Variants in KCND3 observed in about 807,000 individuals in gnomAD.
KCND3 encodes potassium voltage-gated channel subfamily D member 3, also known as A-type voltage-gated potassium channel KCND3.
A neutral mutation model predicts 51.1 loss-of-function variants in KCND3; 9 were observed. The observed-to-expected ratio is 0.18, with a 90% CI of 0.11 to 0.31. The LOEUF is 0.31. Among genes scored for constraint, KCND3 ranks in the 10% least tolerant of loss-of-function variants. The probability of loss-of-function intolerance (pLI) is 1.00; values close to 1 mark genes in which losing one functional copy is unlikely to be tolerated. For missense variants in KCND3, 526 were observed against 903.8 expected, an observed-to-expected ratio of 0.58 and a Z score of 5.36; for synonymous variants, 349 against 368.0, an observed-to-expected ratio of 0.95 and a Z score of 0.59.
intron 1 of KCND3, among the ~76,000 whole-genome samples, chr1:111,985,717 G>A (rs1316379890): frequency 6.6e-6 from 1 of 152,148 alleles, no homozygotes. Context: ...TCACTCAGTC[G>A]AGTTTTCTAA....
Position 111,780,543 on chromosome 1 carries a change from G to T in KCND3, c.1371+147C>A. 1.2e-6 allele frequency: 1 copy of T among 822,388 alleles called. No individual in the cohort carries two copies. Among genetic ancestry groups the T allele is most frequent in the Non-Finnish European group, 2.0e-6 (1 of 492,024 alleles). 50.9% of individuals were successfully genotyped at this position (822,388 alleles called of 1,614,324 possible). A position where few individuals can be genotyped will look rare whatever the true frequency, so the allele number is the denominator to read the frequency against. The stretch of plus-strand genomic sequence containing the variant: ...ATCCTATGGAAGTGGTGTGTGAATG[G>T]GGGGCTGCTACCTGGGGAAAGTTTG... On this transcript the variant is annotated intron_variant, in intron 4 of 7. Coordinates refer to ENST00000302127, the MANE Select transcript of KCND3 (RefSeq NM_001378969.1). The surrounding 1 kb of genome is among the most constrained non-coding windows in gnomAD (Gnocchi z 4.2).
intron 2 of KCND3, among the ~76,000 whole-genome samples, chr1:111,839,348 CCTCA>C (rs1165641497): frequency 6.6e-6 from 1 of 152,206 alleles, no homozygotes; most frequent in Non-Finnish European, 1.5e-5. Context: ...CTTTTATTTT[CCTCA>C]CTCTTCTCCA....
At chr1:111,927,447 T>C (rs988333075) in intron 2 of KCND3, among the ~76,000 whole-genome samples, 4 of 152,208 alleles carry the variant, frequency 2.6e-5, no homozygotes, top group African/African-American at 9.6e-5. Context: ...GCCACTGAGT[T>C]AGAGAACAGG....
chr1:111,844,732 A>G (rs1406871176), intron 2 of KCND3, among the ~76,000 whole-genome samples: 3 of 152,114 alleles, frequency 2.0e-5, no homozygotes, highest in Non-Finnish European at 4.4e-5. Flanking sequence ...CACACAGCAC[A>G]CAGTTACCTG....
intron 2 of KCND3, among the ~76,000 whole-genome samples, chr1:111,834,603 A>G (rs973805226): frequency 2.0e-5 from 3 of 152,212 alleles, no homozygotes; most frequent in Non-Finnish European, 2.9e-5. Context: ...GAGGTCACCC[A>G]GGCTTTGAAC....
Position 111,951,340 on chromosome 1 carries a change from C to T in KCND3, c.1106+30281G>A, listed in dbSNP as rs148755648. On this transcript the variant is annotated intron_variant, in intron 2 of 7. Coordinates refer to ENST00000302127, the MANE Select transcript of KCND3 (RefSeq NM_001378969.1). Reference sequence around the variant, plus strand: ...TCCATGGTCCATACACTTTCTCCTGCACCACCTTGCCCATACCTCAGTTCT... The same window carrying T: ...TCCATGGTCCATACACTTTCTCCTGTACCACCTTGCCCATACCTCAGTTCT... Among the ~76,000 whole-genome samples the T allele has an allele frequency of 5.6e-4, 86 of 152,256 alleles. 1 individual carries two copies. Among genetic ancestry groups the T allele is most frequent in the African/African-American group, 2.0e-3 (83 of 41,528 alleles).
At chr1:111,987,464 C>G (rs1031963884) in intron 1 of KCND3, among the ~76,000 whole-genome samples, 1 of 152,146 alleles carries the variant, frequency 6.6e-6, no homozygotes, top group African/African-American at 2.4e-5. Context: ...GTAAAACATA[C>G]CAAAAAAGGA....
At chr1:111,939,802 C>T (rs1047344188) in intron 2 of KCND3, among the ~76,000 whole-genome samples, 7 of 152,248 alleles carry the variant, frequency 4.6e-5, no homozygotes, top group Non-Finnish European at 8.8e-5. Flanking sequence ...AATCGCCACA[C>T]TGTCTTCCAC....
chr1:111,896,507 A>G (rs1670121039), intron 2 of KCND3, among the ~76,000 whole-genome samples: 1 of 152,220 alleles, frequency 6.6e-6, no homozygotes, highest in South Asian at 2.1e-4. Context: ...GACAGAAACT[A>G]CGCAGTGCCA....
chr1:111,913,327 C>T (rs893601924), intron 2 of KCND3, among the ~76,000 whole-genome samples: 2 of 152,048 alleles, frequency 1.3e-5, no homozygotes, highest in African/African-American at 2.4e-5. Flanking sequence ...ACTAAATTGC[C>T]CAACAATCCA....
At chr1:111,902,527 G>C (rs146199682) in intron 2 of KCND3, among the ~76,000 whole-genome samples, 15 of 152,292 alleles carry the variant, frequency 9.8e-5, no homozygotes, top group Admixed American at 8.5e-4. Flanking sequence ...TACTAGCCCT[G>C]CTTCCTCACT....
At chr1:111,895,618 C>G (rs893255604) in intron 2 of KCND3, among the ~76,000 whole-genome samples, 19 of 152,342 alleles carry the variant, frequency 1.2e-4, no homozygotes, top group Middle Eastern at 3.4e-3. Flanking sequence ...CTAGATCAGT[C>G]ACCTTCCAGG....
At chr1:111,920,710 C>T (rs1469993965) in intron 2 of KCND3, among the ~76,000 whole-genome samples, 1 of 152,218 alleles carries the variant, frequency 6.6e-6, no homozygotes, top group African/African-American at 2.4e-5. Context: ...GGTCCCCACT[C>T]ACGCTGAAGG....
chr1:111,869,096 G>C (rs543551591), intron 2 of KCND3, among the ~76,000 whole-genome samples: 1 of 152,060 alleles, frequency 6.6e-6, no homozygotes, highest in African/African-American at 2.4e-5. Context: ...TCCTGCCCAC[G>C]GGCCCTCTCA....
At chr1:111,963,798 A>G (rs1470142735) in intron 2 of KCND3, among the ~76,000 whole-genome samples, 1 of 152,244 alleles carries the variant, frequency 6.6e-6, no homozygotes, top group Non-Finnish European at 1.5e-5. Context: ...TTATGGCTAC[A>G]TGGCCTTCTG....
chr1:111,885,660 CCT>C (rs1669536543), intron 2 of KCND3, among the ~76,000 whole-genome samples: 1 of 151,934 alleles, frequency 6.6e-6, no homozygotes, highest in Non-Finnish European at 1.5e-5. Context: ...TTCCATTTAC[CCT>C]GTTACATTTT....
At chr1:111,797,242 G>A (rs1175066726) in intron 2 of KCND3, among the ~76,000 whole-genome samples, 1 of 152,186 alleles carries the variant, frequency 6.6e-6, no homozygotes, top group Non-Finnish European at 1.5e-5. Context: ...TCACAGATCT[G>A]TAGACTCATA....
At chr1:111,915,106 T>TA (rs543468157) in intron 2 of KCND3, among the ~76,000 whole-genome samples, 9 of 150,426 alleles carry the variant, frequency 6.0e-5, no homozygotes, top group South Asian at 2.1e-4. Context: ...GAGCAACCAC[T>TA]AAAAAAAAAT....
At chr1:111,887,247 T>A (rs1669611522) in intron 2 of KCND3, among the ~76,000 whole-genome samples, 1 of 152,232 alleles carries the variant, frequency 6.6e-6, no homozygotes, top group Admixed American at 6.5e-5. Context: ...TTATGCTTCC[T>A]GACTCACAAA....
Sources: gnomAD v4.1 joint callset for allele counts (sites outside exome capture counted in the v4.1 genomes callset) on GRCh38, gnomAD v4.1.1 for gene constraint, Gnocchi (gnomAD v3.1) non-coding constraint, MANE v1.5 for transcripts, NCBI Gene and HGNC (gene_info 2026-07-23, HGNC 2026-07-21) for gene names.